RNF150: variants seen among roughly 807,000 people sequenced by gnomAD.
RNF150 encodes the protein ring finger protein 150.
Under a neutral mutation model 39.3 loss-of-function variants are expected in RNF150, and 24 were observed. The ratio of observed to expected loss-of-function variants is 0.61; its 90% CI spans 0.44 to 0.86. RNF150 has a LOEUF of 0.86. RNF150 is among the 40% of genes least tolerant of loss of function. The pLI, the probability that RNF150 is intolerant of heterozygous loss-of-function variation, is 0.00. For synonymous variants in RNF150, 255 were observed against 227.3 expected (o/e 1.12, Z -1.10); for missense variants, 502 against 587.8 (o/e 0.85, Z 1.51).
At chr4:140,903,092 G>A (rs1402826208) in intron 6 of RNF150, among the ~76,000 whole-genome samples, 6 of 152,168 alleles carry the variant, frequency 3.9e-5, no homozygotes, top group African/African-American at 1.4e-4. Context: ...CACGGAGCTA[G>A]GGGCCTGAAA....
At chr4:141,199,021 T>G (rs1560776122) in intron 1 of RNF150, among the ~76,000 whole-genome samples, 1 of 152,108 alleles carries the variant, frequency 6.6e-6, no homozygotes, top group Non-Finnish European at 1.5e-5. Context: ...ATTTTGAAAC[T>G]TAACAATAAG....
At chr4:140,909,137 A>T (rs1025904040) in intron 6 of RNF150, among the ~76,000 whole-genome samples, 1 of 152,194 alleles carries the variant, frequency 6.6e-6, no homozygotes, top group Non-Finnish European at 1.5e-5. Context: ...AAGAGAACTT[A>T]CTATTTGACC....
intron 6 of RNF150, among the ~76,000 whole-genome samples, chr4:140,896,395 G>C (rs570903662): frequency 1.1e-3 from 22 of 20,364 alleles, no homozygotes; most frequent in South Asian, 1.7e-3. Context: ...TAGGGACATG[G>C]ATGAAATTGG....
intron 1 of RNF150, among the ~76,000 whole-genome samples, chr4:141,056,524 G>C (rs564206152): frequency 6.6e-6 from 1 of 152,154 alleles, no homozygotes; most frequent in African/African-American, 2.4e-5. Context: ...GTCTTTGCTG[G>C]ATCACCCATG....
At chr4:141,033,879 C>T (rs1736044542) in intron 1 of RNF150, among the ~76,000 whole-genome samples, 1 of 152,150 alleles carries the variant, frequency 6.6e-6, no homozygotes, top group Non-Finnish European at 1.5e-5. Context: ...ATCATCCATG[C>T]TTTGTTATTC....
chr4:141,040,211 C>T (rs1736306203), intron 1 of RNF150, among the ~76,000 whole-genome samples: 1 of 151,840 alleles, frequency 6.6e-6, no homozygotes, highest in Non-Finnish European at 1.5e-5. Context: ...TCAGGTAAAA[C>T]CAGTAAGGTT....
chr4:141,050,020 C>T lies in RNF150; in HGVS notation c.485-82147G>A, dbSNP rs551832529. Reference sequence around the variant, plus strand: ...TAAAATTTATAGATAAGATTGAATGCTATCCCACTAAAAAGCTAAATATAA... The same window carrying T: ...TAAAATTTATAGATAAGATTGAATGTTATCCCACTAAAAAGCTAAATATAA... On this transcript the variant is annotated intron_variant, in intron 1 of 6. Transcript: ENST00000515673. Among the ~76,000 whole-genome samples, 23 of 151,900 alleles carry T rather than the reference C, an allele frequency of 1.5e-4. No homozygotes were observed. In the South Asian group the frequency reaches 4.2e-3, roughly 28 times the overall value.
At chr4:140,909,880 T>C (rs1730525380) in intron 6 of RNF150, among the ~76,000 whole-genome samples, 1 of 152,202 alleles carries the variant, frequency 6.6e-6, no homozygotes, top group South Asian at 2.1e-4. Context: ...CAGATATTTC[T>C]CACCAAGCTC....
intron 6 of RNF150, among the ~76,000 whole-genome samples, chr4:140,895,352 A>G (rs1163892573): frequency 6.6e-6 from 1 of 152,214 alleles, no homozygotes; most frequent in Non-Finnish European, 1.5e-5. Flanking sequence ...GAAAATGGGC[A>G]TATTATAAGC....
At chr4:140,937,751 G>A (rs1731914187) in intron 4 of RNF150, among the ~76,000 whole-genome samples, 1 of 151,370 alleles carries the variant, frequency 6.6e-6, no homozygotes, top group Non-Finnish European at 1.5e-5. Flanking sequence ...GATTATTTTT[G>A]TTTACTTCTT....
chr4:141,196,015 G>A (rs1320653457), intron 1 of RNF150, among the ~76,000 whole-genome samples: 1 of 152,192 alleles, frequency 6.6e-6, no homozygotes, highest in Admixed American at 6.5e-5. Context: ...AATCCAAAGT[G>A]CTCCTTCACT....
chr4:141,046,097 A>G lies in RNF150; in HGVS notation c.485-78224T>C, dbSNP rs144493472. 5.3e-4 allele frequency among the ~76,000 whole-genome samples: 81 copies of G among 152,270 alleles called. No individual in the cohort carries two copies. The Middle Eastern group carries it at 0.017, about 32-fold the overall frequency. On this transcript the variant is annotated intron_variant, in intron 1 of 6. Coordinates refer to ENST00000515673, the MANE Select transcript of RNF150 (RefSeq NM_020724.2). The stretch of plus-strand genomic sequence containing the variant: ...AATTGTATAGATTGACATATAGAAG[A>G]TGGACAGAAATGGAATGTTTTATAA...
At chr4:141,016,623 A>G (rs1450255004) in intron 1 of RNF150, among the ~76,000 whole-genome samples, 1 of 152,246 alleles carries the variant, frequency 6.6e-6, no homozygotes, top group African/African-American at 2.4e-5. Context: ...GAAGCCAGGA[A>G]CCTGCCCTGT....
chr4:140,899,471 AG>A (rs1229718617), intron 6 of RNF150, among the ~76,000 whole-genome samples: 1 of 152,206 alleles, frequency 6.6e-6, no homozygotes, highest in East Asian at 1.9e-4. Context: ...GGAAATTCCT[AG>A]ACATCTAATT....
chr4:141,103,729 A>G lies in RNF150; in HGVS notation c.484+28596T>C, dbSNP rs1739100371. Among the ~76,000 whole-genome samples the G allele has an allele frequency of 2.0e-5, 3 of 152,112 alleles. No individual in the cohort carries two copies. The South Asian group carries it at 6.2e-4, about 32-fold the overall frequency. On this transcript the variant is annotated intron_variant, in intron 1 of 6. Transcript: ENST00000515673. ...ATATAACCCTCTGAATTTTTTTTGA[A>G]CTACAGTTAGAAAAACAACTAATAT... is the stretch of plus-strand genomic sequence containing the variant.
chr4:141,103,800 T>C (rs1739102343), intron 1 of RNF150, among the ~76,000 whole-genome samples: 1 of 152,222 alleles, frequency 6.6e-6, no homozygotes, highest in South Asian at 2.1e-4. Context: ...TTGATCGATT[T>C]CTAAGGAATC....
chr4:140,985,562 G>C (rs554935807), intron 1 of RNF150, among the ~76,000 whole-genome samples: 5 of 152,222 alleles, frequency 3.3e-5, no homozygotes, highest in African/African-American at 1.2e-4. Flanking sequence ...TGAAAATTTA[G>C]TTTTCAACCT....
chr4:140,899,533 TTGG>T (rs549083114), intron 6 of RNF150, among the ~76,000 whole-genome samples: 4 of 152,052 alleles, frequency 2.6e-5, no homozygotes, highest in South Asian at 4.2e-4. Flanking sequence ...AGGCTGGAGA[TTGG>T]TGGTGGTGGT....
chr4:141,188,895 A>C (rs1344820323), intron 1 of RNF150, among the ~76,000 whole-genome samples: 1 of 152,006 alleles, frequency 6.6e-6, no homozygotes, highest in Admixed American at 6.5e-5. Flanking sequence ...TGTCAAACTC[A>C]TTGTCTGTCC....
Sources: allele counts gnomAD v4.1 joint callset (sites outside exome capture counted in the v4.1 genomes callset), GRCh38; gene constraint gnomAD v4.1.1; transcripts MANE v1.5; gene names NCBI Gene and HGNC (gene_info 2026-07-23, HGNC 2026-07-21).